DRC11: variants seen among roughly 807,000 people sequenced by gnomAD.
DRC11 encodes IQ and AAA domain-containing protein 1.
At chr2:236,390,477 G>A in the DRC11 span, among the ~76,000 whole-genome samples, 2 of 152,232 alleles carry the variant, frequency 1.3e-5, no homozygotes, top group African/African-American at 4.8e-5. This position sits in a 1 kb window ranked among gnomAD's most constrained non-coding sequence, Gnocchi z 5.9. Context: ...TTTTTTGAAA[G>A]GTAAGGACTT....
chr2:236,474,602 T>G, the DRC11 span, among the ~76,000 whole-genome samples: 7 of 152,166 alleles, frequency 4.6e-5, no homozygotes. Flanking sequence ...TTAAATCTTT[T>G]GACTTCTAAT....
the DRC11 span, chr2:236,363,814 T>C: frequency 6.2e-7 from 1 of 1,613,836 alleles, no homozygotes; most frequent in Non-Finnish European, 8.5e-7. The surrounding 1 kb of genome is among the most constrained non-coding windows in gnomAD (Gnocchi z 5.6). Context: ...TTGGAGGCCA[T>C]TTTTGCCAGG....
the DRC11 span, chr2:236,488,184 G>C: frequency 3.1e-5 from 49 of 1,582,474 alleles, no homozygotes; most frequent in Non-Finnish European, 4.1e-5. Flanking sequence ...ACTCTTTACA[G>C]GGTATTTCTG....
the DRC11 span, among the ~76,000 whole-genome samples, chr2:236,398,324 T>C: frequency 6.6e-6 from 1 of 152,216 alleles, no homozygotes; most frequent in East Asian, 1.9e-4. The surrounding 1 kb of genome is among the most constrained non-coding windows in gnomAD (Gnocchi z 6.2). Context: ...GAATTTTCAG[T>C]GGCACACAGA....
At chr2:236,463,115 A>AT in the DRC11 span, among the ~76,000 whole-genome samples, 1 of 152,154 alleles carries the variant, frequency 6.6e-6, no homozygotes, top group African/African-American at 2.4e-5. The surrounding 1 kb of genome is among the most constrained non-coding windows in gnomAD (Gnocchi z 5.0). Context: ...AAGCATTGGC[A>AT]TTTTTGCTGA....
At chr2:236,403,627 A>T in the DRC11 span, among the ~76,000 whole-genome samples, 13 of 152,062 alleles carry the variant, frequency 8.5e-5, no homozygotes, top group Non-Finnish European at 1.6e-4. Flanking sequence ...CATGGTATTT[A>T]AAAAAAATTA....
At chr2:236,479,644 C>T in the DRC11 span, among the ~76,000 whole-genome samples, 3 of 152,186 alleles carry the variant, frequency 2.0e-5, no homozygotes, top group Non-Finnish European at 2.9e-5. The surrounding 1 kb of genome is among the most constrained non-coding windows in gnomAD (Gnocchi z 4.1). Context: ...ATCTCCCCCA[C>T]ATTTTGACTT....
the DRC11 span, among the ~76,000 whole-genome samples, chr2:236,345,246 G>T: frequency 6.6e-6 from 1 of 152,170 alleles, no homozygotes; most frequent in Admixed American, 6.5e-5. Context: ...TGCTGCACAG[G>T]CACAGAAATG....
the DRC11 span, among the ~76,000 whole-genome samples, chr2:236,418,890 T>G: frequency 6.6e-6 from 1 of 152,234 alleles, no homozygotes; most frequent in African/African-American, 2.4e-5. Context: ...CTATCACGTA[T>G]GTGAAAAAAC....
At chr2:236,402,477 A>C in the DRC11 span, among the ~76,000 whole-genome samples, 1 of 152,242 alleles carries the variant, frequency 6.6e-6, no homozygotes, top group Non-Finnish European at 1.5e-5. This position sits in a 1 kb window ranked among gnomAD's most constrained non-coding sequence, Gnocchi z 6.0. Context: ...AGGAAGACGC[A>C]GGAAATGGGA....
the DRC11 span, among the ~76,000 whole-genome samples, chr2:236,366,716 G>A: frequency 6.7e-6 from 1 of 149,604 alleles, no homozygotes; most frequent in Middle Eastern, 3.4e-3. Flanking sequence ...CCTCATTAGG[G>A]AGGCGTTCCC....
the DRC11 span, among the ~76,000 whole-genome samples, chr2:236,345,395 T>C: frequency 6.6e-6 from 1 of 152,088 alleles, no homozygotes; most frequent in East Asian, 1.9e-4. Flanking sequence ...CTCTAGGACC[T>C]CAACATCCTC....
At chr2:236,396,909 G>A in the DRC11 span, among the ~76,000 whole-genome samples, 8 of 152,170 alleles carry the variant, frequency 5.3e-5, no homozygotes, top group East Asian at 1.2e-3. Flanking sequence ...AGAAGCATCC[G>A]TGAACACACA....
At chr2:236,408,030 G>A in the DRC11 span, 1 of 568,840 alleles carries the variant, frequency 1.8e-6, no homozygotes, top group Admixed American at 1.9e-5. The surrounding 1 kb of genome is among the most constrained non-coding windows in gnomAD (Gnocchi z 5.5). Flanking sequence ...AAGACTTGTG[G>A]AGGGTGAGCA....
the DRC11 span, among the ~76,000 whole-genome samples, chr2:236,482,074 T>TATTATATGTATAATTCTACAC: frequency 6.7e-6 from 1 of 149,788 alleles, no homozygotes; most frequent in South Asian, 2.1e-4. The surrounding 1 kb of genome is among the most constrained non-coding windows in gnomAD (Gnocchi z 4.5). Flanking sequence ...TAATTCTACA[T>TATTATATGTATAATTCTACAC]ATTATATGTA....
At chr2:236,364,380 A>G in the DRC11 span, among the ~76,000 whole-genome samples, 1 of 148,136 alleles carries the variant, frequency 6.8e-6, no homozygotes, top group Non-Finnish European at 1.5e-5. Context: ...GAATGTGGAG[A>G]CATAGACGAT....
chr2:236,434,428 G>A, the DRC11 span, among the ~76,000 whole-genome samples: 2 of 152,126 alleles, frequency 1.3e-5, no homozygotes, highest in Admixed American at 6.6e-5. This position sits in a 1 kb window ranked among gnomAD's most constrained non-coding sequence, Gnocchi z 5.5. Flanking sequence ...ATTTTCTGAA[G>A]GGTTTCAATA....
At chr2:236,358,010 AAT>A in the DRC11 span, among the ~76,000 whole-genome samples, 4 of 110,680 alleles carry the variant, frequency 3.6e-5, no homozygotes, top group Non-Finnish European at 6.9e-5. Context: ...ATATATTTAT[AAT>A]ATATAGATAT....
chr2:236,457,699 C>G, the DRC11 span, among the ~76,000 whole-genome samples: 1 of 152,124 alleles, frequency 6.6e-6, no homozygotes, highest in Non-Finnish European at 1.5e-5. The surrounding 1 kb of genome is among the most constrained non-coding windows in gnomAD (Gnocchi z 4.7). Flanking sequence ...GGAGATTAGA[C>G]GCACATAGAA....
Sources: allele counts gnomAD v4.1 joint callset (sites outside exome capture counted in the v4.1 genomes callset), GRCh38; gene constraint gnomAD v4.1.1; non-coding constraint Gnocchi (gnomAD v3.1); transcripts MANE v1.5; gene names NCBI Gene and HGNC (gene_info 2026-07-23, HGNC 2026-07-21).